The following PLCB1 variants were observed in gnomAD, a reference collection of about 807,000 sequenced individuals.
PLCB1 encodes phospholipase C beta 1.
PLCB1 carries 46 observed loss-of-function variants against 161.8 expected under a neutral mutation model. The observed-to-expected ratio is 0.28, with a 90% confidence interval of 0.22 to 0.36. PLCB1 has a LOEUF of 0.36. Among genes scored for constraint, PLCB1 ranks in the 10% least tolerant of loss-of-function variants. PLCB1 has a pLI of 1.00. For synonymous variants in PLCB1, 517 were observed against 503.7 expected (o/e 1.03, Z -0.35); for missense variants, 1,016 against 1,472.5 (o/e 0.69, Z 5.07).
chr20:8,184,649 A>G (rs935323047), intron 2 of PLCB1, among the ~76,000 whole-genome samples: 4 of 151,830 alleles, frequency 2.6e-5, no homozygotes, highest in African/African-American at 9.7e-5. Flanking sequence ...TTGGAAATGC[A>G]AAAAGTCTTC....
In PLCB1 at chr20:8,539,628, CT is replaced by C. The variant is rs1286429343; in HGVS notation, c.247-88663del. Among the ~76,000 whole-genome samples the C allele has an allele frequency of 5.9e-5, 4 of 67,306 alleles. No homozygotes were observed. In the South Asian group the frequency reaches 2.5e-3, roughly 43 times the overall value. The allele number at this position is 67,306 out of a possible 152,430, so 44.2% of individuals were successfully genotyped here. A position where few individuals can be genotyped will look rare whatever the true frequency, so the allele number is the denominator to read the frequency against. On this transcript the variant is annotated intron_variant, in intron 3 of 31. Coordinates refer to ENST00000338037, the MANE Select transcript of PLCB1 (RefSeq NM_015192.4). ...CCTCTTTTCTTTATTTTCTTTCTTT[CT>C]TTCTTTCTTTCTTTCTTTCTTTCTT...
intron 3 of PLCB1, among the ~76,000 whole-genome samples, chr20:8,571,149 A>G (rs1013955919): frequency 6.6e-6 from 1 of 152,188 alleles, no homozygotes. Flanking sequence ...TTTTTAGTAG[A>G]AAAAGGGAAA....
At chr20:8,298,776 T>C (rs1234272617) in intron 2 of PLCB1, among the ~76,000 whole-genome samples, 1 of 152,208 alleles carries the variant, frequency 6.6e-6, no homozygotes, top group African/African-American at 2.4e-5. Context: ...CAGCATTTCT[T>C]CTATTCAAAT....
At chr20:8,718,415 C>A (rs73895115) in intron 14 of PLCB1, among the ~76,000 whole-genome samples, 59 of 152,102 alleles carry the variant, frequency 3.9e-4, no homozygotes, top group Non-Finnish European at 7.9e-4. Flanking sequence ...AGGTGTCAGC[C>A]GGGCTGTGTT....
chr20:8,658,441 T>C, intron 8 of PLCB1, 97 bp from the exon 9 acceptor site: 4 of 924,228 alleles, frequency 4.3e-6, no homozygotes, highest in Non-Finnish European at 4.9e-6. Flanking sequence ...CATTTTCTTA[T>C]CAAGTATAAG....
chr20:8,784,262 T>G (rs977610756), intron 27 of PLCB1, among the ~76,000 whole-genome samples: 3 of 151,900 alleles, frequency 2.0e-5, no homozygotes, highest in Non-Finnish European at 4.4e-5. Context: ...GGAGTGAGGG[T>G]CTTCTGAAAA....
chr20:8,143,496 T>C (rs1218739246), intron 1 of PLCB1, among the ~76,000 whole-genome samples: 4 of 152,256 alleles, frequency 2.6e-5, no homozygotes, highest in Non-Finnish European at 5.9e-5. Context: ...ATTTCATGCC[T>C]GCCCTTATTG....
intron 2 of PLCB1, among the ~76,000 whole-genome samples, chr20:8,279,606 T>C (rs1982776019): frequency 6.6e-6 from 1 of 152,210 alleles, no homozygotes; most frequent in Non-Finnish European, 1.5e-5. Context: ...GTAAATTTTG[T>C]TACATGTACT....
chr20:8,556,790 A>T (rs6055897), intron 3 of PLCB1, among the ~76,000 whole-genome samples: 77,125 of 150,994 alleles, frequency 0.51, 20,047 homozygotes, highest in Non-Finnish European at 0.55. Context: ...ACAACAAAAT[A>T]TATAGCCTTT....
At chr20:8,875,908 T>TG (rs11481725) in intron 31 of PLCB1, among the ~76,000 whole-genome samples, 81,491 of 151,700 alleles carry the variant, frequency 0.54, 25,207 homozygotes, top group African/African-American at 0.84. Context: ...CCTTCACTTA[T>TG]TTTTTTTATC....
At chr20:8,668,481 C>T (rs1205854954) in intron 9 of PLCB1, among the ~76,000 whole-genome samples, 1 of 152,170 alleles carries the variant, frequency 6.6e-6, no homozygotes, top group Non-Finnish European at 1.5e-5. Context: ...CCAAAAAATG[C>T]TTCTGAACAA....
At chr20:8,747,670 C>T (rs184269009) in intron 23 of PLCB1, among the ~76,000 whole-genome samples, 1 of 152,076 alleles carries the variant, frequency 6.6e-6, no homozygotes, top group Non-Finnish European at 1.5e-5. Flanking sequence ...TTCTCGGGAG[C>T]CTGAGGCAGG....
intron 1 of PLCB1, among the ~76,000 whole-genome samples, chr20:8,143,930 C>T (rs982284230): frequency 2.0e-5 from 3 of 152,102 alleles, no homozygotes; most frequent in African/African-American, 4.8e-5. Flanking sequence ...GTGTATTATA[C>T]GATATTTAGC....
At chr20:8,768,092 C>T (rs556419218) in intron 26 of PLCB1, among the ~76,000 whole-genome samples, 92 of 152,152 alleles carry the variant, frequency 6.0e-4, no homozygotes, top group African/African-American at 2.1e-3. Flanking sequence ...ATTGCTTGAA[C>T]CAGGAGATGG....
Position 8,697,794 on chromosome 20 carries a change from T to C in PLCB1, c.1167+11T>C, listed in dbSNP as rs756079683. On this transcript the variant is annotated intron_variant, in intron 11 of 31. Coordinates refer to ENST00000338037, the MANE Select transcript of PLCB1 (RefSeq NM_015192.4). ...GAAATATCTTTCAAGGTAGAGTATATGAATGTTACTAAGAGAGGCAGCTGG... is the reference window on the plus strand; with the variant it reads ...GAAATATCTTTCAAGGTAGAGTATACGAATGTTACTAAGAGAGGCAGCTGG... The C allele has an allele frequency of 8.1e-6, 13 of 1,613,346 alleles. No homozygotes were observed. The Admixed American group carries it at 1.0e-4, about 12-fold the overall frequency.
intron 3 of PLCB1, among the ~76,000 whole-genome samples, chr20:8,416,904 C>T (rs1297902445): frequency 1.4e-5 from 2 of 145,454 alleles, no homozygotes; most frequent in African/African-American, 5.1e-5. Context: ...TTGATGGTGT[C>T]TCTTTTACAG....
intron 2 of PLCB1, among the ~76,000 whole-genome samples, chr20:8,238,865 C>CG (rs369690045): frequency 0.21 from 31,606 of 149,822 alleles, 3,876 homozygotes; most frequent in African/African-American, 0.35. Context: ...AAATGGGTGG[C>CG]TGGGGGGAAG....
At chr20:8,218,312 T>C (rs530836459) in intron 2 of PLCB1, among the ~76,000 whole-genome samples, 1 of 152,226 alleles carries the variant, frequency 6.6e-6, no homozygotes, top group African/African-American at 2.4e-5. Flanking sequence ...GCATAATACA[T>C]ATGCTCAGAG....
chr20:8,463,171 G>GTC (rs1470920933), intron 3 of PLCB1, among the ~76,000 whole-genome samples: 2 of 151,370 alleles, frequency 1.3e-5, no homozygotes. Context: ...GTGTGTGTGT[G>GTC]TGTGTGTGTG....
Sources: gnomAD v4.1 joint callset for allele counts (sites outside exome capture counted in the v4.1 genomes callset) on GRCh38, gnomAD v4.1.1 for gene constraint, MANE v1.5 for transcripts, NCBI Gene and HGNC (gene_info 2026-07-23, HGNC 2026-07-21) for gene names.